SH3BP5: variants seen among roughly 807,000 people sequenced by gnomAD.
SH3BP5 encodes the protein SH3 domain-binding protein 5.
In SH3BP5, 22 loss-of-function variants were observed where a neutral mutation model predicts 43.3. The ratio of observed to expected loss-of-function variants is 0.51; its 90% CI spans 0.36 to 0.73. The LOEUF (loss-of-function observed/expected upper bound fraction) is 0.73. SH3BP5 is among the 30% of genes least tolerant of loss of function. SH3BP5 has a pLI of 0.00. For synonymous variants in SH3BP5, 255 were observed against 225.8 expected (o/e 1.13, Z -1.16); for missense variants, 529 against 586.9 (o/e 0.90, Z 1.02).
At chr3:15,269,571 G>T (rs771481692) in intron 4 of SH3BP5, 142 bp downstream of exon 4, 10 of 866,180 alleles carry the variant, frequency 1.2e-5, no homozygotes, top group Non-Finnish European at 1.6e-5. Flanking sequence ...GCAGCCAAGA[G>T]ATCATACGGA....
At chr3:15,339,820 C>A (rs1044402303) in intron 1 of SH3BP5, 19 of 151,324 alleles carry the variant, frequency 1.3e-4, no homozygotes, top group African/African-American at 4.1e-4. Flanking sequence ...CCTGCACAAC[C>A]ATGACATGCA....
At chr3:15,294,433 A>G (rs1559444395) in intron 3 of SH3BP5, among the ~76,000 whole-genome samples, 4 of 151,302 alleles carry the variant, frequency 2.6e-5, no homozygotes, top group Admixed American at 6.6e-5. Context: ...CCTCCCTTCC[A>G]TCCTCCTTTC....
At position 15,255,944 on chromosome 3, in the gene SH3BP5, G is replaced by T; in HGVS notation, c.*142C>A. The T allele has an allele frequency of 1.4e-6, 1 of 738,020 alleles. No homozygotes were observed. The highest frequency in any genetic ancestry group is 2.3e-6 in the Non-Finnish European group (1 of 436,944). The allele number at this position is 738,020 out of a possible 1,614,324, so 45.7% of individuals were successfully genotyped here. On this transcript the variant is annotated 3_prime_UTR_variant, in exon 9 of 9. Coordinates refer to ENST00000383791, the MANE Select transcript of SH3BP5 (RefSeq NM_004844.5). ...CTCTTACCCAGAAGAACAATCTTTA[G>T]CCCTCAAGGTCACTGAAACTTCATT...
At chr3:15,330,794 G>C in intron 1 of SH3BP5, 1 of 981,226 alleles carries the variant, frequency 1.0e-6, no homozygotes, top group Non-Finnish European at 1.2e-6. Flanking sequence ...TGTCTTCAGA[G>C]ACATTTGGAA....
At chr3:15,289,157 A>G (rs1460026740) in intron 3 of SH3BP5, among the ~76,000 whole-genome samples, 1 of 152,206 alleles carries the variant, frequency 6.6e-6, no homozygotes, top group Non-Finnish European at 1.5e-5. Context: ...AAACTATAGT[A>G]CCAACGTGGC....
At chr3:15,312,291 A>G (rs1467986592) in intron 2 of SH3BP5, among the ~76,000 whole-genome samples, 9 of 152,220 alleles carry the variant, frequency 5.9e-5, no homozygotes, top group African/African-American at 1.7e-4. Context: ...TTACTCTTTC[A>G]TTGAATTTTC....
At chr3:15,337,298 T>C (rs1698712880), upstream of SH3BP5, among the ~76,000 whole-genome samples, 1 of 151,964 alleles carries the variant, frequency 6.6e-6, no homozygotes, top group African/African-American at 2.4e-5. Flanking sequence ...TTGGCCAGGC[T>C]GGTCTTGAAC....
intron 3 of SH3BP5, among the ~76,000 whole-genome samples, chr3:15,302,419 C>T (rs1442708105): frequency 6.6e-6 from 1 of 152,168 alleles, no homozygotes; most frequent in Non-Finnish European, 1.5e-5. Flanking sequence ...CAGCCCAATG[C>T]ACCAGGCCAG....
intron 3 of SH3BP5, among the ~76,000 whole-genome samples, chr3:15,295,087 A>AAC (rs145251289): frequency 1.3e-4 from 20 of 151,610 alleles, no homozygotes; most frequent in East Asian, 3.9e-4. Context: ...ATCTCCCGCC[A>AAC]ACACACACAC....
In SH3BP5 at chr3:15,259,019, G is replaced by A; in HGVS notation, c.701C>T (p.Ala234Val). ...CTCGCCTTTTGCCAGGGTCAGTTTG[G>A]CCTGCAGGTCATCCACAGTCTTTTT... is the stretch of plus-strand genomic sequence containing the variant. ...QLKKTVDDLQAKLTLAKGEYK... is the reference protein window; with the variant it reads ...QLKKTVDDLQVKLTLAKGEYK... The change falls in exon 7 of 9, where the codon GCC becomes GTC. Residue 234 changes from alanine to valine, a missense_variant. Ala to Val is a moderately conservative substitution (Grantham distance 64, BLOSUM62 0). Transcript: ENST00000383791. The A allele has an allele frequency of 1.2e-6, 2 of 1,614,190 alleles. No homozygotes were observed. The highest frequency in any genetic ancestry group is 1.7e-6 in the Non-Finnish European group (2 of 1,180,010).
At chr3:15,271,780 A>G (rs773686797) in intron 3 of SH3BP5, 3 of 152,090 alleles carry the variant, frequency 2.0e-5, no homozygotes, top group Non-Finnish European at 4.4e-5. Flanking sequence ...TTCCAATTCT[A>G]TTTCTTGTGG....
chr3:15,330,703 A>G (rs1575358614), intron 1 of SH3BP5, 137 bp from the exon 2 acceptor site: 3 of 1,403,688 alleles, frequency 2.1e-6, no homozygotes, highest in Non-Finnish European at 2.8e-6. Context: ...TTCTTACGGC[A>G]AACAGTTGAG....
At chr3:15,332,665 C>T (rs1307846077), upstream of SH3BP5, 3 of 1,142,712 alleles carry the variant, frequency 2.6e-6, no homozygotes, top group South Asian at 4.3e-5. Context: ...CCCGGCCTCG[C>T]GTTCCGCCGC....
At chr3:15,271,110 G>A (rs1696785553) in intron 3 of SH3BP5, among the ~76,000 whole-genome samples, 1 of 151,922 alleles carries the variant, frequency 6.6e-6, no homozygotes, top group Non-Finnish European at 1.5e-5. Context: ...TGGGTGCAAT[G>A]GATCCCACCT....
intron 2 of SH3BP5, among the ~76,000 whole-genome samples, chr3:15,314,371 G>C (rs192430490): frequency 1.1e-4 from 16 of 152,018 alleles, no homozygotes; most frequent in African/African-American, 2.7e-4. Flanking sequence ...CTTCCCTCCC[G>C]CCTCTGTCTG....
intron 2 of SH3BP5, among the ~76,000 whole-genome samples, chr3:15,307,821 A>C (rs1169019468): frequency 2.0e-5 from 3 of 152,128 alleles, no homozygotes; most frequent in Non-Finnish European, 4.4e-5. Flanking sequence ...GTCCACATTC[A>C]CACCAGTGAG....
At chr3:15,294,290 AGTGTGTGTGTGTGTGTGTGTGTGT>A (rs10522979) in intron 3 of SH3BP5, among the ~76,000 whole-genome samples, 107 of 138,232 alleles carry the variant, frequency 7.7e-4, no homozygotes, top group African/African-American at 2.8e-3. Flanking sequence ...TGCAAAAGTA[AGTGTGTGTGTGTGTGTGTGTGTGT>A]GTGTGTGTGT....
intron 3 of SH3BP5, among the ~76,000 whole-genome samples, chr3:15,301,513 G>A (rs958941684): frequency 1.3e-5 from 2 of 152,150 alleles, no homozygotes; most frequent in Non-Finnish European, 2.9e-5. Flanking sequence ...GTCATATGGG[G>A]AGAAGCCCCA....
intron 5 of SH3BP5, among the ~76,000 whole-genome samples, chr3:15,261,035 C>T (rs1198851077): frequency 2.0e-5 from 3 of 152,220 alleles, no homozygotes; most frequent in Admixed American, 6.5e-5. Context: ...TCCTCGGCCT[C>T]CTTGGGTGTT....
Sources: gnomAD v4.1 joint callset for allele counts (sites outside exome capture counted in the v4.1 genomes callset) on GRCh38, gnomAD v4.1.1 for gene constraint, MANE v1.5 for transcripts, NCBI Gene and HGNC (gene_info 2026-07-23, HGNC 2026-07-21) for gene names.